The following AKNA variants were observed in gnomAD, a reference collection of about 807,000 sequenced individuals.
AKNA encodes the protein AT-hook transcription factor, also known as microtubule organization protein AKNA.
A neutral mutation model predicts 138.8 loss-of-function variants in AKNA; 67 were observed. The ratio of observed to expected loss-of-function variants is 0.48; its 90% CI spans 0.40 to 0.59. The LOEUF (loss-of-function observed/expected upper bound fraction) is 0.59, where lower values mean the gene tolerates loss of function less well. Among genes scored for constraint, AKNA ranks in the 20% least tolerant of loss-of-function variants. The probability of loss-of-function intolerance (pLI) is 0.00; values close to 1 mark genes in which losing one functional copy is unlikely to be tolerated. For synonymous variants in AKNA, 737 were observed against 754.4 expected, an observed-to-expected ratio of 0.98 and a Z score of 0.38; for missense variants, 1,813 against 1,880.4, an observed-to-expected ratio of 0.96 and a Z score of 0.66.
chr9:114,374,895 G>A (rs1053721095), intron 3 of AKNA, among the ~76,000 whole-genome samples: 4 of 152,236 alleles, frequency 2.6e-5, no homozygotes, highest in Non-Finnish European at 5.9e-5. Context: ...TGGTAACCAA[G>A]TAGTTGATGA....
intron 5 of AKNA, 88 bp downstream of exon 5, chr9:114,368,351 G>T: frequency 7.8e-7 from 1 of 1,284,660 alleles, no homozygotes; most frequent in Non-Finnish European, 9.9e-7. Flanking sequence ...TGAGGCCAGC[G>T]CCATCCCCAG....
At chr9:114,331,062 C>T (rs1829842923), downstream of AKNA, among the ~76,000 whole-genome samples, 1 of 152,152 alleles carries the variant, frequency 6.6e-6, no homozygotes, top group East Asian at 1.9e-4. Context: ...GAACAGAGAC[C>T]TCAAATAGTT....
At position 114,368,536 on chromosome 9, in the gene AKNA, G is replaced by A. The variant is rs755835359; in HGVS notation, c.1476C>T (p.Pro492=). 4.3e-6 allele frequency: 6 copies of A among 1,384,910 alleles called. No individual in the cohort carries two copies. The highest frequency in any genetic ancestry group is 2.7e-5 in the East Asian group (1 of 36,382). The allele number at this position is 1,384,910 out of a possible 1,614,324, so 85.8% of individuals were successfully genotyped here. A position where few individuals can be genotyped will look rare whatever the true frequency, so the allele number is the denominator to read the frequency against. ...TGAAGGACAAGACCTTGGTCCCCTGGGGCACCATTCCCGTGTGGATGCTGT... is the reference window on the plus strand; with the variant it reads ...TGAAGGACAAGACCTTGGTCCCCTGAGGCACCATTCCCGTGTGGATGCTGT... ...PNHSIHTGMV[P]QGTKVLSFTI... The change falls in exon 5 of 22, where the codon CCC becomes CCT. Residue 492 remains proline (P), a synonymous_variant. Coordinates refer to ENST00000374088, the MANE Select transcript of AKNA (RefSeq NM_001317950.2).
Position 114,377,306 on chromosome 9 carries a change from C to T in AKNA, c.501G>A (p.Gln167=). ...NTSPMALGHG[Q]ARGWVASGEQ... is the part of the protein sequence containing the mutation. Reference sequence around the variant, plus strand: ...CGCCAGAAGCCACCCAGCCCCTGGCCTGACCATGCCCAAGAGCCATGGGGC... The same window carrying T: ...CGCCAGAAGCCACCCAGCCCCTGGCTTGACCATGCCCAAGAGCCATGGGGC... Residue 167 remains glutamine, a synonymous_variant, in exon 3 of 22, where the codon CAG becomes CAA. Coordinates refer to ENST00000374088, the MANE Select transcript of AKNA (RefSeq NM_001317950.2). 1 of 1,614,148 alleles carries T rather than the reference C, an allele frequency of 6.2e-7. No homozygotes were observed. The highest frequency in any genetic ancestry group is 8.5e-7 in the Non-Finnish European group (1 of 1,180,008).
At chr9:114,359,483 A>G (rs2131908116) in intron 11 of AKNA, 111 bp downstream of exon 11, 1 of 1,580,986 alleles carries the variant, frequency 6.3e-7, no homozygotes, top group South Asian at 1.2e-5. Flanking sequence ...GAGGCAGGAC[A>G]GGTAAGCCAT....
chr9:114,341,585 C>G lies in AKNA; in HGVS notation c.4015G>C (p.Ala1339Pro), dbSNP rs747459424. 1 of 1,614,026 alleles carries G rather than the reference C, an allele frequency of 6.2e-7. No homozygotes were observed. The highest frequency in any genetic ancestry group is 1.1e-5 in the South Asian group (1 of 91,078). Residue 1339 changes from alanine (A) to proline (P), a missense_variant, in exon 21 of 22, where the codon GCC becomes CCC. Physicochemically the swap from Ala to Pro is conservative, Grantham distance 27. Coordinates refer to ENST00000374088, the MANE Select transcript of AKNA (RefSeq NM_001317950.2). ...ATAPPAPAPP[A>P]FAYISSVPIM... ...GGAACCGAGGAGATGTAGGCAAAGG[C>G]TGGAGGGGCTGGTGCTGGGGGCGCT...
At chr9:114,352,492 G>A (rs1336372060) in intron 14 of AKNA, among the ~76,000 whole-genome samples, 1 of 151,984 alleles carries the variant, frequency 6.6e-6, no homozygotes, top group Non-Finnish European at 1.5e-5. Flanking sequence ...AGCTACTCGC[G>A]AGGCTGAGGC....
In AKNA at chr9:114,359,716, C is replaced by A. The variant is rs1588977899; in HGVS notation, c.2370G>T (p.Glu790Asp). The change falls in exon 11 of 22, where the codon GAG becomes GAT. Residue 790 changes from glutamate (E) to aspartate (D), a missense_variant. By Grantham distance (45) the Glu-to-Asp change is conservative. Transcript: ENST00000374088. Reference protein sequence around the residue: ...EEEGEEEEEEEGGGDSLEVDG... With the variant: ...EEEGEEEEEEDGGGDSLEVDG... ...CAACTTCCAGGGAGTCACCTCCCCC[C>A]TCTTCCTCCTCCTCCTCCTCTCCTT... The A allele has an allele frequency of 6.2e-7, 1 of 1,610,016 alleles. No homozygotes were observed. Among genetic ancestry groups the A allele is most frequent in the Non-Finnish European group, 8.5e-7 (1 of 1,177,814 alleles).
chr9:114,365,308 T>C (rs1832262531), intron 6 of AKNA, among the ~76,000 whole-genome samples: 1 of 152,112 alleles, frequency 6.6e-6, no homozygotes, highest in East Asian at 1.9e-4. Flanking sequence ...ATTTAAGACT[T>C]CAAAAAGTCA....
Position 114,366,734 on chromosome 9 carries a change from GGGAGA to G in AKNA, c.1728+804_1728+808del, listed in dbSNP as rs568386204. ...GAGAGAAGAGAAGAGGAGAGGGGAA[GGGAGA>G]GGAGAGGAGAGGAGGGAAGGGAAGG... On this transcript the variant is annotated intron_variant, in intron 6 of 21. Coordinates refer to ENST00000374088, the MANE Select transcript of AKNA (RefSeq NM_001317950.2). Among the ~76,000 whole-genome samples the G allele has an allele frequency of 3.6e-3, 539 of 151,538 alleles. 4 individuals carry two copies. Among genetic ancestry groups the G allele is most frequent in the African/African-American group, 0.012 (501 of 41,192 alleles).
upstream of AKNA, among the ~76,000 whole-genome samples, chr9:114,392,006 T>C (rs1834362628): frequency 6.8e-6 from 1 of 148,026 alleles, no homozygotes; most frequent in Non-Finnish European, 1.5e-5. Context: ...CCCACGAGCC[T>C]GAGGCACAAG....
chr9:114,380,316 G>A (rs1833545117), intron 2 of AKNA, among the ~76,000 whole-genome samples: 1 of 152,176 alleles, frequency 6.6e-6, no homozygotes, highest in Admixed American at 6.5e-5. Context: ...CCCAGCAGTA[G>A]GAGACTGGCC....
rs1411257046 is a variant in AKNA at position 114,376,977 on chromosome 9, G to T, written c.830C>A (p.Thr277Lys). The change falls in exon 3 of 22, where the codon ACA becomes AAA. Residue 277 changes from threonine to lysine, a missense_variant. Coordinates refer to ENST00000374088, the MANE Select transcript of AKNA (RefSeq NM_001317950.2). ...APPAQSPQHA[T>K]DRWRRETTRF... ...GGTCGTTTCTCTCCTCCATCTATCT[G>T]TGGCATGCTGCGGACTCTGGGCTGG... 1.2e-5 allele frequency: 19 copies of T among 1,614,200 alleles called. No individual in the cohort carries two copies. The highest frequency in any genetic ancestry group is 1.6e-5 in the Non-Finnish European group (19 of 1,180,032).
At chr9:114,357,868 G>A in intron 12 of AKNA, 53 bp downstream of exon 12, 1 of 1,576,356 alleles carries the variant, frequency 6.3e-7, no homozygotes, top group Non-Finnish European at 8.5e-7. Context: ...AAGTTGAGAA[G>A]ACCCAGGAAT....
At chr9:114,348,322 C>A (rs550785633) in intron 15 of AKNA, among the ~76,000 whole-genome samples, 1 of 152,240 alleles carries the variant, frequency 6.6e-6, no homozygotes, top group Non-Finnish European at 1.5e-5. Context: ...CTCTCCAGAC[C>A]TGGCAGAAGA....
chr9:114,345,716 A>G lies in AKNA; in HGVS notation c.3661+147T>C, dbSNP rs553171409. 9.4e-6 allele frequency: 6 copies of G among 641,138 alleles called. No individual in the cohort carries two copies. In the African/African-American group the frequency reaches 9.4e-5, roughly 10 times the overall value. The allele number at this position is 641,138 out of a possible 1,614,324, so 39.7% of individuals were successfully genotyped here. ...AAGTGCACCGAGATTCATGGAGGCAATGCTCCCTGCTGGTTTTCATATCAC... is the reference window on the plus strand; with the variant it reads ...AAGTGCACCGAGATTCATGGAGGCAGTGCTCCCTGCTGGTTTTCATATCAC... On this transcript the variant is annotated intron_variant, in intron 18 of 21. Coordinates refer to ENST00000374088, the MANE Select transcript of AKNA (RefSeq NM_001317950.2).
At chr9:114,393,946 G>A (rs1834448397) in intron 1 of AKNA, among the ~76,000 whole-genome samples, 1 of 152,146 alleles carries the variant, frequency 6.6e-6, no homozygotes, top group Non-Finnish European at 1.5e-5. Flanking sequence ...GCTGAGGCGG[G>A]AGGATCACCT....
intron 3 of AKNA, chr9:114,375,830 TC>T (rs1372228509): frequency 1.1e-5 from 4 of 369,762 alleles, no homozygotes; most frequent in Admixed American, 3.6e-5. Flanking sequence ...AAACAGATCA[TC>T]CTTGAAACAC....
In AKNA at chr9:114,351,039, G is replaced by T. The variant is rs1178167968; in HGVS notation, c.3059-18C>A. Reference sequence around the variant, plus strand: ...AGGAACCGCTAGGGAGGCAGAGAGAGAACCCAAAGTGAGTTTAAGCAGAGA... The same window carrying T: ...AGGAACCGCTAGGGAGGCAGAGAGATAACCCAAAGTGAGTTTAAGCAGAGA... On this transcript the variant is annotated intron_variant, in intron 14 of 21. Transcript: ENST00000374088. 1 of 1,611,600 alleles carries T rather than the reference G, an allele frequency of 6.2e-7. No homozygotes were observed. The highest frequency in any genetic ancestry group is 8.5e-7 in the Non-Finnish European group (1 of 1,178,942).
Sources: allele counts gnomAD v4.1 joint callset (sites outside exome capture counted in the v4.1 genomes callset), GRCh38; gene constraint gnomAD v4.1.1; transcripts MANE v1.5; gene names NCBI Gene and HGNC (gene_info 2026-07-23, HGNC 2026-07-21).